The following IGF2R variants were observed in gnomAD, a reference collection of about 807,000 sequenced individuals.
The protein encoded by IGF2R is cation-independent mannose-6-phosphate receptor.
Under a neutral mutation model 270.6 loss-of-function variants are expected in IGF2R, and 91 were observed. The observed-to-expected ratio is 0.34, with a 90% CI of 0.28 to 0.40. IGF2R has a LOEUF of 0.40. Ranked by LOEUF, IGF2R falls within the 10% of genes least tolerant of loss-of-function variation. The pLI is 1.00. For synonymous variants in IGF2R, 1,316 were observed against 1,258.9 expected (o/e 1.05, Z -0.96); for missense variants, 2,805 against 3,188.3 (o/e 0.88, Z 2.90).
rs1414114280 is a variant in IGF2R, at chr6:160,093,445, T to G, written c.6656-2994T>G. ...ATGGGGTCTCAGGCCTCCACCTTAC[T>G]GCACGATGAAGAGTTTGAGGAGATC... On this transcript the variant is annotated intron_variant, in intron 44 of 47. Coordinates refer to ENST00000356956, the MANE Select transcript of IGF2R (RefSeq NM_000876.4). The G allele has an allele frequency of 7.5e-6, 3 of 402,108 alleles. No individual in the cohort carries two copies. The East Asian group carries it at 1.5e-4, about 20-fold the overall frequency. The allele number at this position is 402,108 out of a possible 1,614,324, so 24.9% of individuals were successfully genotyped here. A position where few individuals can be genotyped will look rare whatever the true frequency, so the allele number is the denominator to read the frequency against.
At chr6:159,994,951 G>A (rs1250352370) in intron 2 of IGF2R, among the ~76,000 whole-genome samples, 2 of 152,124 alleles carry the variant, frequency 1.3e-5, no homozygotes, top group East Asian at 3.8e-4. Flanking sequence ...TGTCTTTTAG[G>A]TCCATTTAAT....
At chr6:160,029,718 G>A (rs1777652787) in intron 7 of IGF2R, 63 bp downstream of exon 7, 4 of 1,164,114 alleles carry the variant, frequency 3.4e-6, no homozygotes, top group South Asian at 1.3e-5. Flanking sequence ...CCATGCGAAC[G>A]CGTTTCTGGG....
chr6:159,988,256 CTG>C (rs1783919943), intron 1 of IGF2R, among the ~76,000 whole-genome samples: 1 of 152,094 alleles, frequency 6.6e-6, no homozygotes. Flanking sequence ...TGGCTCACGC[CTG>C]TAATCCCAGC....
In IGF2R at chr6:160,102,744, TG is replaced by T; in HGVS notation, c.6995+77del. The T allele has an allele frequency of 2.7e-6, 4 of 1,474,464 alleles. No homozygotes were observed. Among genetic ancestry groups the T allele is most frequent in the Non-Finnish European group, 3.7e-6 (4 of 1,092,566 alleles). The allele number at this position is 1,474,464 out of a possible 1,614,324, so 91.3% of individuals were successfully genotyped here. On this transcript the variant is annotated intron_variant, in intron 46 of 47. Transcript: ENST00000356956. The surrounding 1 kb of genome is among the most constrained non-coding windows in gnomAD (Gnocchi z 4.5). ...ATAGCTAATCTTGGGGTCAGTTTTG[TG>T]GGGTTTTATTTATTTGTTTTTAAGC...
intron 4 of IGF2R, among the ~76,000 whole-genome samples, chr6:160,019,002 C>G (rs1282182711): frequency 1.3e-5 from 2 of 151,774 alleles, no homozygotes; most frequent in Non-Finnish European, 2.9e-5. Flanking sequence ...AAATGCAGTA[C>G]AAAGGATAAA....
At chr6:160,082,655 A>G (rs1202008026) in intron 39 of IGF2R, among the ~76,000 whole-genome samples, 2 of 152,180 alleles carry the variant, frequency 1.3e-5, no homozygotes, top group African/African-American at 4.8e-5. Flanking sequence ...CAAATATTGA[A>G]TACCCGTGTG....
Position 159,991,343 on chromosome 6 carries a change from A to G in IGF2R, c.289+20A>G. The G allele has an allele frequency of 6.2e-7, 1 of 1,602,694 alleles. No individual in the cohort carries two copies. Among genetic ancestry groups the G allele is most frequent in the Non-Finnish European group, 8.5e-7 (1 of 1,173,572 alleles). On this transcript the variant is annotated intron_variant, in intron 2 of 47. Coordinates refer to ENST00000356956, the MANE Select transcript of IGF2R (RefSeq NM_000876.4). ...CAGTGGGTAAGTAGAACTACCTGAA[A>G]TTACTGGATTGGCAATATGATTCCC...
chr6:160,104,286 A>G (rs1395067805), intron 47 of IGF2R, among the ~76,000 whole-genome samples: 1 of 152,128 alleles, frequency 6.6e-6, no homozygotes, highest in Non-Finnish European at 1.5e-5. Flanking sequence ...CTCCCCTGCC[A>G]TGCAGTGGGC....
chr6:160,055,861 T>A (rs1778304093), intron 19 of IGF2R, among the ~76,000 whole-genome samples: 1 of 152,114 alleles, frequency 6.6e-6, no homozygotes, highest in Admixed American at 6.5e-5. Flanking sequence ...TAATGGCTCT[T>A]TGGGGGAGCT....
At chr6:160,104,408 A>G (rs907677270) in intron 47 of IGF2R, among the ~76,000 whole-genome samples, 3 of 150,464 alleles carry the variant, frequency 2.0e-5, no homozygotes, top group African/African-American at 7.4e-5. Context: ...GCTTGGTCCC[A>G]CCCTTGGCTG....
At chr6:160,083,144 GTGA>G (rs1015354480) in intron 39 of IGF2R, among the ~76,000 whole-genome samples, 1 of 152,194 alleles carries the variant, frequency 6.6e-6, no homozygotes, top group Non-Finnish European at 1.5e-5. Flanking sequence ...GGAGAGCAGG[GTGA>G]TGATAAGGAG....
chr6:160,029,504 T>C, intron 6 of IGF2R, 46 bp from the exon 7 acceptor site: 1 of 1,244,766 alleles, frequency 8.0e-7, no homozygotes, highest in Non-Finnish European at 1.2e-6. Flanking sequence ...AATTTGGATG[T>C]ACTTTATACT....
intron 3 of IGF2R, chr6:160,010,441 C>T: frequency 2.6e-6 from 1 of 377,848 alleles, no homozygotes; most frequent in Non-Finnish European, 4.8e-6. Context: ...ACTTGCACAG[C>T]TGGGGCGGTA....
chr6:160,080,323 T>C, intron 39 of IGF2R, 48 bp downstream of exon 39: 1 of 1,580,574 alleles, frequency 6.3e-7, no homozygotes, highest in East Asian at 2.3e-5. Flanking sequence ...GCCTTGATAC[T>C]GTCAAGGCTC....
In IGF2R at chr6:159,969,406, C is replaced by A; in HGVS notation, c.149+11C>A. 1 of 1,217,394 alleles carries A rather than the reference C, an allele frequency of 8.2e-7. No individual in the cohort carries two copies. The highest frequency in any genetic ancestry group is 1.0e-6 in the Non-Finnish European group (1 of 977,350). The allele number at this position is 1,217,394 out of a possible 1,614,324, so 75.4% of individuals were successfully genotyped here. A position where few individuals can be genotyped will look rare whatever the true frequency, so the allele number is the denominator to read the frequency against. ...CCCCGAGCTGTGCAGGTGGGTGGCC[C>A]GCCCGGACGCAGGCTCCGCTCGCGG... On this transcript the variant is annotated intron_variant, in intron 1 of 47. Coordinates refer to ENST00000356956, the MANE Select transcript of IGF2R (RefSeq NM_000876.4).
chr6:160,000,192 C>T (rs113908198), intron 2 of IGF2R, among the ~76,000 whole-genome samples: 1 of 152,148 alleles, frequency 6.6e-6, no homozygotes, highest in African/African-American at 2.4e-5. Context: ...TAAAGAACTA[C>T]CTGATACTTG....
rs971035588 is a variant in IGF2R at position 160,108,269 on chromosome 6, G to C, written c.*3185G>C. 3 of 152,476 alleles carry C rather than the reference G, an allele frequency of 2.0e-5. No individual in the cohort carries two copies. Among genetic ancestry groups the C allele is most frequent in the Non-Finnish European group, 2.9e-5 (2 of 68,168 alleles). 9.4% of individuals were successfully genotyped at this position (152,476 alleles called of 1,614,324 possible). A position where few individuals can be genotyped will look rare whatever the true frequency, so the allele number is the denominator to read the frequency against. On this transcript the variant is annotated 3_prime_UTR_variant, in exon 48 of 48. Coordinates refer to ENST00000356956, the MANE Select transcript of IGF2R (RefSeq NM_000876.4). Reference sequence around the variant, plus strand: ...GTGAGAATGGGGTCAACGGGCAGTCGTGGTGCAGGTGAGCTTGTGTGCAAG... The same window carrying C: ...GTGAGAATGGGGTCAACGGGCAGTCCTGGTGCAGGTGAGCTTGTGTGCAAG...
intron 1 of IGF2R, among the ~76,000 whole-genome samples, chr6:159,983,703 G>A (rs2115176039): frequency 6.6e-6 from 1 of 152,316 alleles, no homozygotes; most frequent in South Asian, 2.1e-4. Flanking sequence ...ATGTTTCTGA[G>A]TTGTGTCACT....
At chr6:160,058,625 A>G (rs1392312938) in intron 21 of IGF2R, among the ~76,000 whole-genome samples, 1 of 152,208 alleles carries the variant, frequency 6.6e-6, no homozygotes, top group Non-Finnish European at 1.5e-5. Context: ...TCTCTTATAT[A>G]TGGTACATTA....
Sources: allele counts gnomAD v4.1 joint callset (sites outside exome capture counted in the v4.1 genomes callset), GRCh38; gene constraint gnomAD v4.1.1; non-coding constraint Gnocchi (gnomAD v3.1); transcripts MANE v1.5; gene names NCBI Gene and HGNC (gene_info 2026-07-23, HGNC 2026-07-21).